Variants in LAMA3 observed in about 807,000 individuals in gnomAD.
The protein encoded by LAMA3 is laminin subunit alpha-3.
LAMA3 carries 281 observed loss-of-function variants against 402.0 expected under a neutral mutation model. The observed-to-expected ratio is 0.70, with a 90% CI of 0.63 to 0.77. LAMA3 has a LOEUF of 0.77. LAMA3 is among the 30% of genes least tolerant of loss of function. The probability of loss-of-function intolerance (pLI) is 0.00; values close to 1 mark genes in which losing one functional copy is unlikely to be tolerated. For missense variants in LAMA3, 3,840 were observed against 4,215.5 expected (o/e 0.91, Z 2.47); for synonymous variants, 1,431 against 1,558.4 (o/e 0.92, Z 1.93).
intron 1 of LAMA3, among the ~76,000 whole-genome samples, chr18:23,692,222 C>G (rs1056401849): frequency 2.0e-5 from 3 of 152,178 alleles, no homozygotes; most frequent in African/African-American, 4.8e-5. Flanking sequence ...TTGTTCACTT[C>G]CAAGTTGTAT....
At chr18:23,699,024 T>TAG (rs34691495) in intron 1 of LAMA3, among the ~76,000 whole-genome samples, 3,019 of 142,528 alleles carry the variant, frequency 0.021, 60 homozygotes, top group South Asian at 0.06. Context: ...GGCGGGCAGA[T>TAG]AGAGAGAGAG....
At chr18:23,696,523 C>G (rs115983649) in intron 1 of LAMA3, among the ~76,000 whole-genome samples, 1 of 151,454 alleles carries the variant, frequency 6.6e-6, no homozygotes, top group African/African-American at 2.4e-5. Context: ...TTTTTTGAGA[C>G]GGAGTTTTGC....
At chr18:23,708,146 T>A (rs1420290963) in intron 1 of LAMA3, among the ~76,000 whole-genome samples, 1 of 152,194 alleles carries the variant, frequency 6.6e-6, no homozygotes, top group Non-Finnish European at 1.5e-5. Context: ...TCTAGAATAT[T>A]CCTTCCTTTC....
intron 70 of LAMA3, among the ~76,000 whole-genome samples, chr18:23,948,221 G>T (rs1277437517): frequency 2.0e-5 from 3 of 152,074 alleles, no homozygotes; most frequent in African/African-American, 7.2e-5. Context: ...CTAACATCTG[G>T]GCCAAATAGT....
At chr18:23,914,951 A>T in intron 58 of LAMA3, 91 bp downstream of exon 58, 1 of 1,093,046 alleles carries the variant, frequency 9.1e-7, no homozygotes, top group Non-Finnish European at 1.4e-6. Flanking sequence ...AATTACATAT[A>T]AAATGGATTT....
Position 23,749,327 on chromosome 18 carries a change from C to T in LAMA3, c.566-101C>T, listed in dbSNP as rs1390181137. 10 of 691,794 alleles carry T rather than the reference C, an allele frequency of 1.4e-5. No individual in the cohort carries two copies. In the Admixed American group the frequency reaches 1.6e-4, roughly 11 times the overall value. 42.9% of individuals were successfully genotyped at this position (691,794 alleles called of 1,614,324 possible). A position where few individuals can be genotyped will look rare whatever the true frequency, so the allele number is the denominator to read the frequency against. ...AGTTTTAAATGCCTTTCTGTTTTTTCTTTCTTTGTGTATTTTCTTAAGGAA... is the reference window on the plus strand; with the variant it reads ...AGTTTTAAATGCCTTTCTGTTTTTTTTTTCTTTGTGTATTTTCTTAAGGAA... On this transcript the variant is annotated intron_variant, in intron 3 of 74. Coordinates refer to ENST00000313654, the MANE Select transcript of LAMA3 (RefSeq NM_198129.4).
intron 68 of LAMA3, among the ~76,000 whole-genome samples, chr18:23,943,295 C>T (rs774935000): frequency 1.3e-5 from 2 of 152,074 alleles, no homozygotes; most frequent in African/African-American, 2.4e-5. Flanking sequence ...CTGTGGGAAG[C>T]GAGACTAGGG....
rs1439206043 is a variant in LAMA3 at position 23,839,628 on chromosome 18, A to G, written c.3192-157A>G. Among the ~76,000 whole-genome samples the G allele has an allele frequency of 6.6e-6, 1 of 152,214 alleles. No homozygotes were observed. The highest frequency in any genetic ancestry group is 1.5e-5 in the Non-Finnish European group (1 of 68,030). ...CTGGAATACACTTGGCATGAGTATC[A>G]TTATATAAAGATCCCTAGAGTTCTG... On this transcript the variant is annotated intron_variant, in intron 26 of 74. Transcript: ENST00000313654. The surrounding 1 kb of genome is among the most constrained non-coding windows in gnomAD (Gnocchi z 4.5).
rs747663607 is a variant in LAMA3, at chr18:23,932,205, G to T, written c.8622G>T (p.Arg2874Ser). ...IDDQLLRNSK[R>S]LKHISSSRQS... ...ACCAGCTTCTGAGAAATAGCAAAAG[G>T]CTAAAACACATTTCAAGTTCCCGGC... Residue 2874 changes from arginine to serine, a missense_variant, in exon 66 of 75, where the codon AGG becomes AGT. Arg to Ser is a moderately radical substitution (Grantham distance 110). Transcript: ENST00000313654. 26 of 1,613,988 alleles carry T rather than the reference G, an allele frequency of 1.6e-5. No individual in the cohort carries two copies. The South Asian group carries it at 2.7e-4, about 17-fold the overall frequency.
At chr18:23,867,944 T>G in intron 37 of LAMA3, 27 bp downstream of exon 37, 1 of 1,566,202 alleles carries the variant, frequency 6.4e-7, no homozygotes, top group Non-Finnish European at 8.8e-7. Flanking sequence ...CATAGGATGG[T>G]CCTTTCTGTT....
intron 2 of LAMA3, among the ~76,000 whole-genome samples, chr18:23,727,791 G>A (rs772378138): frequency 6.6e-6 from 1 of 152,042 alleles, no homozygotes. Flanking sequence ...ATGTAGTGGC[G>A]TGATCATAGC....
intron 32 of LAMA3, among the ~76,000 whole-genome samples, chr18:23,856,568 A>T (rs900853445): frequency 6.6e-6 from 1 of 151,978 alleles, no homozygotes; most frequent in African/African-American, 2.4e-5. Context: ...GCCATAGCCC[A>T]CTGCTTTTCT....
intron 2 of LAMA3, among the ~76,000 whole-genome samples, chr18:23,746,855 G>A (rs938500526): frequency 2.0e-5 from 3 of 150,342 alleles, no homozygotes; most frequent in Admixed American, 6.6e-5. Context: ...GGTTTGGAAT[G>A]TTTACATTAG....
chr18:23,819,699 G>A, intron 18 of LAMA3, 142 bp from the exon 19 acceptor site: 1 of 758,314 alleles, frequency 1.3e-6, no homozygotes, highest in South Asian at 1.5e-5. Context: ...AGAAAGAGCA[G>A]AAGATCTTTC....
chr18:23,781,327 G>A (rs1430508792), intron 11 of LAMA3: 1 of 455,654 alleles, frequency 2.2e-6, no homozygotes, highest in Admixed American at 2.4e-5. Flanking sequence ...GGGTTCCAAG[G>A]CTTCCCTTGT....
intron 7 of LAMA3, among the ~76,000 whole-genome samples, chr18:23,759,330 CAAAAAAAAA>C (rs34457452): frequency 8.9e-6 from 1 of 112,624 alleles, no homozygotes; most frequent in African/African-American, 3.4e-5. Flanking sequence ...AAGATCCTGT[CAAAAAAAAA>C]AAAAAAAAAG....
At position 23,847,622 on chromosome 18, in the gene LAMA3, A is replaced by G. The variant is rs1598912834; in HGVS notation, c.4090A>G (p.Ile1364Val). Residue 1364 changes from isoleucine to valine, a missense_variant, in exon 32 of 75, where the codon ATC becomes GTC. Transcript: ENST00000313654. ...CTGCAACTGTTCCAGGAGGGGCACC[A>G]TCGAGGCTGCCATGCCGGAGTGTGA... is the stretch of plus-strand genomic sequence containing the variant. Reference protein sequence around the residue: ...EGCNCSRRGTIEAAMPECDRD... With the variant: ...EGCNCSRRGTVEAAMPECDRD... 14 of 1,614,022 alleles carry G rather than the reference A, an allele frequency of 8.7e-6. No individual in the cohort carries two copies. The highest frequency in any genetic ancestry group is 1.1e-5 in the Non-Finnish European group (13 of 1,180,020).
chr18:23,801,267 A>G, intron 12 of LAMA3, among the ~76,000 whole-genome samples: 1 of 152,282 alleles, frequency 6.6e-6, no homozygotes, highest in Non-Finnish European at 1.5e-5. Context: ...ATGAGAACAA[A>G]AGACACTGGA....
At chr18:23,826,538 G>A (rs1273813178) in intron 21 of LAMA3, among the ~76,000 whole-genome samples, 164 bp from the exon 22 acceptor site, 1 of 152,174 alleles carries the variant, frequency 6.6e-6, no homozygotes, top group Non-Finnish European at 1.5e-5. Flanking sequence ...GTGGTTCTTT[G>A]TGTTTCGGTG....
Sources: gnomAD v4.1 joint callset for allele counts (sites outside exome capture counted in the v4.1 genomes callset) on GRCh38, gnomAD v4.1.1 for gene constraint, Gnocchi (gnomAD v3.1) non-coding constraint, MANE v1.5 for transcripts, NCBI Gene and HGNC (gene_info 2026-07-23, HGNC 2026-07-21) for gene names.